Variants in STPG2 observed in about 807,000 individuals in gnomAD.
STPG2 encodes sperm tail PG-rich repeat containing 2.
In STPG2, 56 loss-of-function variants were observed where a neutral mutation model predicts 54.2. That is an observed-to-expected ratio of 1.03 (90% CI 0.83 to 1.29). The LOEUF is 1.29. Ranked by LOEUF, STPG2 falls within the 50% of genes most tolerant of loss-of-function variation. The pLI is 0.00. For synonymous variants in STPG2, 200 were observed against 181.8 expected (o/e 1.10, Z -0.81); for missense variants, 596 against 544.9 (o/e 1.09, Z -0.93).
chr4:97,799,126 A>G (rs1181857598), intron 9 of STPG2, among the ~76,000 whole-genome samples: 1 of 133,084 alleles, frequency 7.5e-6, no homozygotes, highest in African/African-American at 2.9e-5. Flanking sequence ...ATGGGTCTTG[A>G]CTCTTTATCC....
At chr4:97,668,183 A>T (rs571579379) in intron 10 of STPG2, among the ~76,000 whole-genome samples, 80 of 152,270 alleles carry the variant, frequency 5.3e-4, no homozygotes, top group African/African-American at 1.9e-3. Context: ...GTCAGGTGAA[A>T]AAGTGGGTAA....
chr4:98,084,025 T>C (rs1416058639), intron 5 of STPG2, among the ~76,000 whole-genome samples: 1 of 151,810 alleles, frequency 6.6e-6, no homozygotes, highest in South Asian at 2.1e-4. Flanking sequence ...AGCTGTTTTG[T>C]TGTTGTTGTT....
intron 9 of STPG2, among the ~76,000 whole-genome samples, chr4:97,839,430 T>C (rs895614416): frequency 2.0e-5 from 3 of 151,636 alleles, no homozygotes; most frequent in African/African-American, 7.3e-5. Flanking sequence ...AGTAAAGGAA[T>C]ACAGACAAAA....
intron 5 of STPG2, among the ~76,000 whole-genome samples, chr4:97,994,769 T>C (rs988144950): frequency 6.6e-6 from 1 of 152,088 alleles, no homozygotes; most frequent in Admixed American, 6.5e-5. Context: ...TGGTTTTGTG[T>C]TGGTCGGCCC....
intron 10 of STPG2, among the ~76,000 whole-genome samples, chr4:97,608,310 G>T (rs995733520): frequency 1.3e-5 from 2 of 151,846 alleles, no homozygotes; most frequent in African/African-American, 4.8e-5. Flanking sequence ...TAATAATGTA[G>T]CATAAAATTG....
chr4:97,790,397 C>T (rs1726956097), intron 9 of STPG2, among the ~76,000 whole-genome samples: 1 of 152,174 alleles, frequency 6.6e-6, no homozygotes, highest in South Asian at 2.1e-4. Context: ...AAGTCAGAAT[C>T]TGGTGATCTC....
At chr4:97,757,859 C>G (rs1046853975) in intron 9 of STPG2, among the ~76,000 whole-genome samples, 2 of 152,108 alleles carry the variant, frequency 1.3e-5, no homozygotes, top group African/African-American at 2.4e-5. Flanking sequence ...ATACTAGCCC[C>G]AATTTACCAT....
chr4:97,749,346 A>T (rs903117361), intron 9 of STPG2, among the ~76,000 whole-genome samples: 1 of 151,734 alleles, frequency 6.6e-6, no homozygotes, highest in African/African-American at 2.4e-5. Context: ...TGATATCACC[A>T]TAAGAGTGGC....
At chr4:97,514,827 G>C (rs916612988) in intron 4 of STPG2, among the ~76,000 whole-genome samples, 2 of 151,846 alleles carry the variant, frequency 1.3e-5, no homozygotes, top group African/African-American at 4.8e-5. Flanking sequence ...GTTGCAGCTG[G>C]CTTCTCCTGA....
chr4:98,128,945 GC>G (rs1251950864), intron 2 of STPG2, among the ~76,000 whole-genome samples: 1 of 152,026 alleles, frequency 6.6e-6, no homozygotes, highest in Non-Finnish European at 1.5e-5. Flanking sequence ...TGTTGGCCAG[GC>G]TGGTCTCGAA....
intron 10 of STPG2, among the ~76,000 whole-genome samples, chr4:97,598,583 C>G (rs371034676): frequency 1.4e-4 from 21 of 148,560 alleles, no homozygotes; most frequent in Admixed American, 1.2e-3. Context: ...ACATATAGAA[C>G]AATGGAACAG....
At chr4:97,863,157 A>G (rs1320547263) in intron 8 of STPG2, among the ~76,000 whole-genome samples, 1 of 152,184 alleles carries the variant, frequency 6.6e-6, no homozygotes, top group East Asian at 1.9e-4. Context: ...TGAATCCAGG[A>G]GCCAGTTTTT....
chr4:97,851,520 C>T (rs1207812178), intron 8 of STPG2, among the ~76,000 whole-genome samples: 1 of 152,152 alleles, frequency 6.6e-6, no homozygotes, highest in Non-Finnish European at 1.5e-5. Flanking sequence ...AAATACAAAG[C>T]TGGCTTTTAC....
intron 5 of STPG2, among the ~76,000 whole-genome samples, chr4:98,076,282 A>C: frequency 6.6e-6 from 1 of 151,930 alleles, no homozygotes; most frequent in African/African-American, 2.4e-5. Flanking sequence ...GTAGTGAACC[A>C]TCCACGTAAT....
intron 9 of STPG2, among the ~76,000 whole-genome samples, chr4:97,748,209 C>A (rs571121883): frequency 6.6e-6 from 1 of 151,556 alleles, no homozygotes; most frequent in Admixed American, 6.6e-5. Context: ...ACTGGAAGCA[C>A]AAACTTACAG....
intron 5 of STPG2, among the ~76,000 whole-genome samples, chr4:98,045,422 A>C (rs541409790): frequency 6.6e-6 from 1 of 152,302 alleles, no homozygotes; most frequent in African/African-American, 2.4e-5. Flanking sequence ...CCATTTCCTG[A>C]GGCCTGTGGA....
intron 7 of STPG2, among the ~76,000 whole-genome samples, chr4:97,961,677 G>T (rs189141747): frequency 6.6e-6 from 1 of 152,238 alleles, no homozygotes; most frequent in African/African-American, 2.4e-5. Flanking sequence ...ACTCCTGCAA[G>T]AATGGCCATA....
At chr4:97,879,733 G>A (rs1329577776) in intron 8 of STPG2, among the ~76,000 whole-genome samples, 4 of 151,980 alleles carry the variant, frequency 2.6e-5, no homozygotes, top group Non-Finnish European at 5.9e-5. Context: ...CTAATCACCA[G>A]GAAAATGCAT....
intron 5 of STPG2, among the ~76,000 whole-genome samples, chr4:98,040,497 A>G (rs1736916216): frequency 6.6e-6 from 1 of 151,862 alleles, no homozygotes. Flanking sequence ...ATTTTTTTAT[A>G]TGGTGAGAGA....
Sources: allele counts gnomAD v4.1 joint callset (sites outside exome capture counted in the v4.1 genomes callset), GRCh38; gene constraint gnomAD v4.1.1; transcripts MANE v1.5; gene names NCBI Gene and HGNC (gene_info 2026-07-23, HGNC 2026-07-21).